Variants in MYT1L observed in about 807,000 individuals in gnomAD.
MYT1L encodes the protein myelin transcription factor 1 like, also known as myelin transcription factor 1-like protein.
A neutral mutation model predicts 126.7 loss-of-function variants in MYT1L; 12 were observed. That is an observed-to-expected ratio of 0.09 (90% CI 0.06 to 0.15). MYT1L has a LOEUF of 0.15. Among genes scored for constraint, MYT1L ranks in the 10% least tolerant of loss-of-function variants. The probability of loss-of-function intolerance (pLI) is 1.00; values close to 1 mark genes in which losing one functional copy is unlikely to be tolerated. For synonymous variants in MYT1L, 541 were observed against 604.2 expected (o/e 0.90, Z 1.53); for missense variants, 979 against 1,585.2 (o/e 0.62, Z 6.49).
At chr2:1,817,323 TA>T (rs1396345400) in intron 21 of MYT1L, among the ~76,000 whole-genome samples, 2 of 151,926 alleles carry the variant, frequency 1.3e-5, no homozygotes, top group Non-Finnish European at 1.5e-5. Flanking sequence ...GGTGGGGGGA[TA>T]GGGGCGCCAC....
At chr2:1,994,751 TG>T (rs1203908998) in intron 5 of MYT1L, among the ~76,000 whole-genome samples, 1 of 152,204 alleles carries the variant, frequency 6.6e-6, no homozygotes, top group Non-Finnish European at 1.5e-5. Flanking sequence ...TTTAGTAATG[TG>T]GTAAAAAAAA....
chr2:1,799,700 A>AC, intron 23 of MYT1L, among the ~76,000 whole-genome samples: 1 of 152,298 alleles, frequency 6.6e-6, no homozygotes, highest in Non-Finnish European at 1.5e-5. Context: ...CAGGCTTGTC[A>AC]CCCTCATAAA....
chr2:2,197,725 T>A (rs1044839564), intron 2 of MYT1L, among the ~76,000 whole-genome samples: 3 of 148,180 alleles, frequency 2.0e-5, no homozygotes, highest in African/African-American at 7.6e-5. Flanking sequence ...TAGAGATGTA[T>A]ATAACACACA....
chr2:1,863,143 A>G (rs1217406583), intron 18 of MYT1L, among the ~76,000 whole-genome samples: 2 of 152,130 alleles, frequency 1.3e-5, no homozygotes, highest in African/African-American at 2.4e-5. Context: ...TCTTGGAGAG[A>G]AAAACAGGGC....
At chr2:2,043,669 C>A in intron 4 of MYT1L, among the ~76,000 whole-genome samples, 1 of 152,258 alleles carries the variant, frequency 6.6e-6, no homozygotes, top group South Asian at 2.1e-4. Flanking sequence ...CCCTTCACCC[C>A]CTTCCTTGCC....
intron 23 of MYT1L, among the ~76,000 whole-genome samples, chr2:1,796,101 C>T (rs2033435510): frequency 6.6e-6 from 1 of 152,246 alleles, no homozygotes; most frequent in Non-Finnish European, 1.5e-5. Context: ...ATTCCGACTG[C>T]AGCACCACGT....
chr2:2,009,142 C>A (rs2063584806), intron 4 of MYT1L, among the ~76,000 whole-genome samples: 1 of 149,996 alleles, frequency 6.7e-6, no homozygotes, highest in Non-Finnish European at 1.5e-5. Context: ...GTTTTTCCTT[C>A]TCAGTGGTTT....
intron 5 of MYT1L, among the ~76,000 whole-genome samples, chr2:1,984,494 G>C (rs1329564012): frequency 6.7e-6 from 1 of 149,134 alleles, no homozygotes; most frequent in East Asian, 2.0e-4. Flanking sequence ...ATGGTACCTG[G>C]CCAAGAACTA....
chr2:1,982,803 C>A (rs933531484), intron 5 of MYT1L, among the ~76,000 whole-genome samples: 1 of 152,180 alleles, frequency 6.6e-6, no homozygotes, highest in Non-Finnish European at 1.5e-5. Context: ...AGCTTGCTTA[C>A]CCTTATCCAG....
chr2:2,044,461 C>A (rs2067923018), intron 4 of MYT1L, among the ~76,000 whole-genome samples: 1 of 152,194 alleles, frequency 6.6e-6, no homozygotes, highest in African/African-American at 2.4e-5. Context: ...CCCAGAAGTT[C>A]TGATCGTGGT....
At chr2:2,030,082 G>C (rs2066064005) in intron 4 of MYT1L, among the ~76,000 whole-genome samples, 1 of 152,004 alleles carries the variant, frequency 6.6e-6, no homozygotes, top group Non-Finnish European at 1.5e-5. Context: ...ATGAGGAATT[G>C]TTTTTGTTTG....
chr2:2,005,300 T>C (rs1179683638), intron 4 of MYT1L, among the ~76,000 whole-genome samples: 1 of 149,602 alleles, frequency 6.7e-6, no homozygotes, highest in Non-Finnish European at 1.5e-5. Context: ...GCAGGCGTTC[T>C]TTCCTGCGTG....
intron 2 of MYT1L, among the ~76,000 whole-genome samples, chr2:2,252,549 T>C (rs1201412733): frequency 6.6e-6 from 1 of 152,216 alleles, no homozygotes; most frequent in African/African-American, 2.4e-5. Context: ...AGAATTCTTA[T>C]TTTAATTCTA....
At chr2:2,310,859 G>GA (rs111802576) in intron 1 of MYT1L, among the ~76,000 whole-genome samples, 5,116 of 152,144 alleles carry the variant, frequency 0.034, 165 homozygotes, top group South Asian at 0.11. Flanking sequence ...AGAGTTGGTT[G>GA]AAAAAATGAA....
chr2:1,965,425 A>C lies in MYT1L; in HGVS notation c.152+13740T>G, dbSNP rs554026484. On this transcript the variant is annotated intron_variant, in intron 8 of 24. Transcript: ENST00000647738. ...GGAGGACCCAGACTCTGTGACTTGC[A>C]GGGACCAGGCAGGGAAGAGGAGGAC... Among the ~76,000 whole-genome samples the C allele has an allele frequency of 5.1e-4, 77 of 150,314 alleles. 1 individual carries two copies. The highest frequency in any genetic ancestry group is 1.7e-3 in the African/African-American group (68 of 40,340).
At chr2:1,804,822 C>T (rs1280514777) in intron 22 of MYT1L, among the ~76,000 whole-genome samples, 1 of 152,182 alleles carries the variant, frequency 6.6e-6, no homozygotes, top group Non-Finnish European at 1.5e-5. Flanking sequence ...GGTGAAGTTC[C>T]TGACAAAGCG....
intron 2 of MYT1L, among the ~76,000 whole-genome samples, chr2:2,189,755 C>T (rs1053636861): frequency 2.0e-5 from 3 of 151,948 alleles, no homozygotes; most frequent in Non-Finnish European, 4.4e-5. Context: ...CAGGACCTCA[C>T]GGTGAGAAGC....
chr2:2,010,114 T>C (rs1460576027), intron 4 of MYT1L, among the ~76,000 whole-genome samples: 1 of 152,180 alleles, frequency 6.6e-6, no homozygotes, highest in Admixed American at 6.5e-5. Flanking sequence ...TGGGCATCTA[T>C]GGGGTAAAAT....
chr2:2,159,424 C>T (rs1351357018), intron 3 of MYT1L, among the ~76,000 whole-genome samples: 1 of 152,042 alleles, frequency 6.6e-6, no homozygotes, highest in Non-Finnish European at 1.5e-5. Context: ...GAGAGGCGCT[C>T]AAACCAAAAG....
Sources: allele counts gnomAD v4.1 joint callset (sites outside exome capture counted in the v4.1 genomes callset), GRCh38; gene constraint gnomAD v4.1.1; transcripts MANE v1.5; gene names NCBI Gene and HGNC (gene_info 2026-07-23, HGNC 2026-07-21).